PLCE1: variants seen among roughly 807,000 people sequenced by gnomAD.
The protein encoded by PLCE1 is phospholipase C epsilon 1.
In PLCE1, 119 loss-of-function variants were observed where a neutral mutation model predicts 242.8. The ratio of observed to expected loss-of-function variants is 0.49; its 90% CI spans 0.42 to 0.57. The LOEUF is 0.57. Ranked by LOEUF, PLCE1 falls within the 20% of genes least tolerant of loss-of-function variation. The probability of loss-of-function intolerance (pLI) is 0.00; values close to 1 mark genes in which losing one functional copy is unlikely to be tolerated. For missense variants in PLCE1, 2,441 were observed against 2,788.8 expected (o/e 0.88, Z 2.81); for synonymous variants, 945 against 1,017.4 (o/e 0.93, Z 1.35).
Position 94,132,314 on chromosome 10 carries a change from T to C in PLCE1, c.1347T>C (p.Thr449=), listed in dbSNP as rs1367180769. ...GCTTAAAGCAATGTGTCCGAGACACTGTATGTGAGTATCGCGCCACCCTCC... is the reference window on the plus strand; with the variant it reads ...GCTTAAAGCAATGTGTCCGAGACACCGTATGTGAGTATCGCGCCACCCTCC... The part of the protein sequence containing the change: ...GPCLKQCVRD[T]VCEYRATLQR... The change falls in exon 3 of 33, where the codon ACT becomes ACC. Residue 449 remains threonine (T), a synonymous_variant. Transcript: ENST00000371380. 2 of 1,613,626 alleles carry C rather than the reference T, an allele frequency of 1.2e-6. No homozygotes were observed. The highest frequency in any genetic ancestry group is 1.7e-5 in the Admixed American group (1 of 59,948).
At chr10:94,316,083 A>G (rs1181175631) in intron 28 of PLCE1, among the ~76,000 whole-genome samples, 1 of 152,198 alleles carries the variant, frequency 6.6e-6, no homozygotes, top group African/African-American at 2.4e-5. Flanking sequence ...TCAGAAGTTT[A>G]TTTAAAGAAG....
intron 1 of PLCE1, among the ~76,000 whole-genome samples, chr10:94,009,848 G>A (rs1037294552): frequency 1.3e-4 from 20 of 152,336 alleles, no homozygotes; most frequent in African/African-American, 4.1e-4. Flanking sequence ...GGCTGCTCTC[G>A]CAGGTTGGAG....
At chr10:94,283,180 A>T (rs1452508428) in intron 20 of PLCE1, 1 of 152,642 alleles carries the variant, frequency 6.6e-6, no homozygotes, top group African/African-American at 2.4e-5. Context: ...ATCTTATGAT[A>T]TAATATTCAG....
chr10:94,245,946 G>C lies in PLCE1; in HGVS notation c.2421G>C (p.Gln807His), dbSNP rs780684028. The C allele has an allele frequency of 6.2e-7, 1 of 1,613,588 alleles. No individual in the cohort carries two copies. The change falls in exon 8 of 33, where the codon CAG becomes CAC. Residue 807 changes from glutamine to histidine, a missense_variant and splice_region_variant. Around this residue, in one of 5 missense-constraint regions of PLCE1, gnomAD observed 733 missense variants for 754.2 expected, o/e 0.97. Transcript: ENST00000371380. ...KSSLKDKSRW[Q>H]FIIGDLLDSD... is the part of the protein sequence containing the mutation. ...CCAAATTGGTGTTTCTTTCCTTAAGGTTTATAATTGGAGATTTGTTGGATT... is the reference window on the plus strand; with the variant it reads ...CCAAATTGGTGTTTCTTTCCTTAAGCTTTATAATTGGAGATTTGTTGGATT...
At position 94,252,453 on chromosome 10, in the gene PLCE1, C is replaced by A. The variant is rs2050912533; in HGVS notation, c.3234C>A (p.Thr1078=). The change falls in exon 9 of 33, where the codon ACC becomes ACA. Residue 1078 remains threonine (T), a synonymous_variant. Transcript: ENST00000371380. ...AGCCCAATATGCAGAGAAACAATAC[C>A]CTGGGCATAAGCACTACCAAGAAAA... The part of the protein sequence containing the change: ...AEKPNMQRNN[T]LGISTTKKKK... The A allele has an allele frequency of 2.5e-6, 4 of 1,613,810 alleles. No individual in the cohort carries two copies. The highest frequency in any genetic ancestry group is 3.4e-6 in the Non-Finnish European group (4 of 1,179,908).
intron 2 of PLCE1, among the ~76,000 whole-genome samples, chr10:94,043,255 T>A (rs1323439989): frequency 6.6e-6 from 1 of 152,192 alleles, no homozygotes; most frequent in Admixed American, 6.5e-5. Context: ...GGCACCCTGT[T>A]TTCCTTTCAT....
In PLCE1 at chr10:94,332,495, ATGTGTGTGCC is replaced by A. The variant is rs1014761470; in HGVS notation, c.*4561_*4570del. 1 of 130,344 alleles carries A rather than the reference ATGTGTGTGCC, an allele frequency of 7.7e-6. No homozygotes were observed. The highest frequency in any genetic ancestry group is 3.0e-5 in the African/African-American group (1 of 32,958). 8.1% of individuals were successfully genotyped at this position (130,344 alleles called of 1,614,324 possible). On this transcript the variant is annotated 3_prime_UTR_variant, in exon 33 of 33. Transcript: ENST00000371380. Reference sequence around the variant, plus strand: ...CTGTAGCTTAATATAGCCTCAGGATATGTGTGTGCCTGTGTGTGTGTGTGTGTGTGTGTGT... The same window carrying A: ...CTGTAGCTTAATATAGCCTCAGGATATGTGTGTGTGTGTGTGTGTGTGTGT...
Position 94,324,402 on chromosome 10 carries a change from C to T in PLCE1, c.6555C>T (p.Ser2185=), listed in dbSNP as rs200439178. ...GCATCCTGAGCAACCCCAATCCAAGCGACTATGTGCTTTTGGAAGAGGTGG... is the reference window on the plus strand; with the variant it reads ...GCATCCTGAGCAACCCCAATCCAAGTGACTATGTGCTTTTGGAAGAGGTGG... ...SYSILSNPNP[S]DYVLLEEVVK... is the part of the protein sequence containing the mutation. Residue 2185 remains serine, a synonymous_variant, in exon 31 of 33, where the codon AGC becomes AGT. Transcript: ENST00000371380. The T allele has an allele frequency of 3.8e-4, 608 of 1,614,142 alleles. 3 individuals carry two copies. Among genetic ancestry groups the T allele is most frequent in the Non-Finnish European group, 5.5e-5 (65 of 1,180,022 alleles).
intron 2 of PLCE1, among the ~76,000 whole-genome samples, chr10:94,072,297 G>C (rs953234398): frequency 1.1e-4 from 16 of 150,716 alleles, no homozygotes; most frequent in African/African-American, 3.9e-4. Context: ...TGTTTTTTTA[G>C]ATGGAGTCTC....
intron 14 of PLCE1, 104 bp downstream of exon 14, chr10:94,262,836 A>G: frequency 1.1e-6 from 1 of 908,996 alleles, no homozygotes; most frequent in Non-Finnish European, 1.9e-6. Context: ...CAAAGCCTTT[A>G]AATCTGGGAC....
intron 3 of PLCE1, among the ~76,000 whole-genome samples, chr10:94,141,575 GA>G (rs1160149272): frequency 1.3e-4 from 16 of 126,124 alleles, no homozygotes; most frequent in African/African-American, 4.9e-4. Flanking sequence ...AAGGCTAAGG[GA>G]AGGTGAAGGG....
chr10:94,322,159 C>A, intron 30 of PLCE1, 100 bp downstream of exon 30: 1 of 1,131,420 alleles, frequency 8.8e-7, no homozygotes, highest in East Asian at 2.4e-5. Context: ...TGAAGTTCCT[C>A]AACAACAGGG....
chr10:94,004,723 C>T (rs2061001486), intron 1 of PLCE1, among the ~76,000 whole-genome samples: 2 of 152,132 alleles, frequency 1.3e-5, no homozygotes, highest in Admixed American at 1.3e-4. Flanking sequence ...ATCACTGATC[C>T]ACTCAGCAGT....
intron 4 of PLCE1, among the ~76,000 whole-genome samples, chr10:94,212,684 T>C (rs1405679639): frequency 1.3e-5 from 2 of 152,228 alleles, no homozygotes; most frequent in Non-Finnish European, 1.5e-5. Flanking sequence ...TGAAGTCATA[T>C]GGCTCCAGAC....
intron 2 of PLCE1, among the ~76,000 whole-genome samples, chr10:94,064,393 A>G (rs2044142901): frequency 6.6e-6 from 1 of 152,146 alleles, no homozygotes; most frequent in Non-Finnish European, 1.5e-5. Flanking sequence ...TCTACAAAAA[A>G]TTAGCTGGGC....
chr10:94,320,534 T>C (rs2053760123), intron 29 of PLCE1, among the ~76,000 whole-genome samples: 1 of 152,228 alleles, frequency 6.6e-6, no homozygotes, highest in East Asian at 1.9e-4. Context: ...ACTTCCAAGA[T>C]AGCGACAGCA....
chr10:94,186,742 T>G (rs764248894), intron 4 of PLCE1, among the ~76,000 whole-genome samples: 4 of 152,234 alleles, frequency 2.6e-5, no homozygotes, highest in Non-Finnish European at 4.4e-5. Flanking sequence ...GTGAAACCTC[T>G]TCCTAAAACC....
intron 2 of PLCE1, among the ~76,000 whole-genome samples, chr10:94,103,480 A>G (rs951730138): frequency 2.5e-4 from 38 of 152,338 alleles, no homozygotes; most frequent in African/African-American, 8.4e-4. Context: ...AAAGCACGCA[A>G]AAGACCATTT....
At chr10:94,017,318 C>T (rs1357982826) in intron 1 of PLCE1, among the ~76,000 whole-genome samples, 1 of 152,040 alleles carries the variant, frequency 6.6e-6, no homozygotes, top group Non-Finnish European at 1.5e-5. Flanking sequence ...TTGTTTGCTT[C>T]ATTTTTTTCT....
Sources: allele counts gnomAD v4.1 joint callset (sites outside exome capture counted in the v4.1 genomes callset), GRCh38; gene constraint gnomAD v4.1.1; regional missense constraint gnomAD v4.1.1; transcripts MANE v1.5; gene names NCBI Gene and HGNC (gene_info 2026-07-23, HGNC 2026-07-21).